Variants in TLK2 observed in about 807,000 individuals in gnomAD.
TLK2 encodes the protein tousled like kinase 2.
In TLK2, 6 loss-of-function variants were observed where a neutral mutation model predicts 117.3. That is an observed-to-expected ratio of 0.05 (90% confidence interval 0.03 to 0.10). The LOEUF is 0.10. TLK2 is among the 10% of genes least tolerant of loss of function. The probability of loss-of-function intolerance (pLI) is 1.00; values close to 1 mark genes in which losing one functional copy is unlikely to be tolerated. For synonymous variants in TLK2, 257 were observed against 316.7 expected (o/e 0.81, Z 2.00); for missense variants, 299 against 901.2 (o/e 0.33, Z 8.56).
intron 11 of TLK2, among the ~76,000 whole-genome samples, chr17:62,568,451 AGTAAT>A (rs2079983535): frequency 6.6e-6 from 1 of 151,476 alleles, no homozygotes; most frequent in South Asian, 2.1e-4. Context: ...AAAAAAAAAA[AGTAAT>A]GGGATTTGAC....
chr17:62,512,861 A>AAATATTATTATT (rs1555610961), intron 2 of TLK2, among the ~76,000 whole-genome samples: 6 of 141,158 alleles, frequency 4.3e-5, no homozygotes, highest in Admixed American at 1.4e-4. Flanking sequence ...AAAATTTATT[A>AAATATTATTATT]ATTATTATTA....
chr17:62,511,899 C>T (rs2075171049), intron 2 of TLK2, among the ~76,000 whole-genome samples: 1 of 152,142 alleles, frequency 6.6e-6, no homozygotes, highest in African/African-American at 2.4e-5. Context: ...TTTACACCAA[C>T]ATGTTTTTCT....
At chr17:62,483,505 GT>G (rs938130937) in intron 2 of TLK2, among the ~76,000 whole-genome samples, 38 of 152,270 alleles carry the variant, frequency 2.5e-4, no homozygotes, top group African/African-American at 8.7e-4. Context: ...CCTATTTCCA[GT>G]TTTTTTGTTT....
At chr17:62,482,842 G>A (rs1224492435) in intron 2 of TLK2, among the ~76,000 whole-genome samples, 1 of 152,204 alleles carries the variant, frequency 6.6e-6, no homozygotes, top group Non-Finnish European at 1.5e-5. Flanking sequence ...CTTGAGCACA[G>A]TACCTCCACA....
chr17:62,489,071 A>G (rs1201907828), intron 2 of TLK2, among the ~76,000 whole-genome samples: 1 of 152,076 alleles, frequency 6.6e-6, no homozygotes, highest in Non-Finnish European at 1.5e-5. Context: ...TATTTTTTGT[A>G]GAAACAGTTT....
upstream of TLK2, among the ~76,000 whole-genome samples, chr17:62,476,018 C>T (rs2071035271): frequency 6.6e-6 from 1 of 151,770 alleles, no homozygotes; most frequent in Admixed American, 6.6e-5. Flanking sequence ...CACTCTGTCA[C>T]CCAGAATGGA....
intron 6 of TLK2, among the ~76,000 whole-genome samples, chr17:62,525,074 T>C (rs143881370): frequency 1.2e-3 from 187 of 152,342 alleles, no homozygotes; most frequent in African/African-American, 4.3e-3. Context: ...TCCAGTGTCT[T>C]CGCATTATTT....
intron 15 of TLK2, among the ~76,000 whole-genome samples, chr17:62,584,107 G>GTTTTTTTTT (rs572000997): frequency 3.8e-5 from 3 of 78,520 alleles, no homozygotes; most frequent in Admixed American, 1.8e-4. Context: ...TTCTTTTGTG[G>GTTTTTTTTT]TTTTTTTTTT....
At chr17:62,493,193 CT>C (rs1305784773) in intron 2 of TLK2, among the ~76,000 whole-genome samples, 1 of 152,204 alleles carries the variant, frequency 6.6e-6, no homozygotes, top group Non-Finnish European at 1.5e-5. Flanking sequence ...TTTGACTACT[CT>C]AGGTACTAAT....
chr17:62,533,707 C>A (rs1833233678), intron 6 of TLK2, among the ~76,000 whole-genome samples: 2 of 152,016 alleles, frequency 1.3e-5, no homozygotes, highest in Admixed American at 6.6e-5. Context: ...AAACTCCTGA[C>A]CTCAAGTGAT....
At chr17:62,546,658 C>T (rs1343461745) in intron 7 of TLK2, among the ~76,000 whole-genome samples, 7 of 150,242 alleles carry the variant, frequency 4.7e-5, no homozygotes, top group Non-Finnish European at 5.9e-5. Flanking sequence ...CAGGTTCAAG[C>T]GATTCTTCTG....
intron 1 of TLK2, among the ~76,000 whole-genome samples, chr17:62,471,873 ATTAGG>A (rs965112766): frequency 2.5e-5 from 3 of 121,260 alleles, no homozygotes; most frequent in Non-Finnish European, 5.0e-5. Flanking sequence ...GGCATGGAAG[ATTAGG>A]TAGTATAGTC....
At chr17:62,493,282 G>T (rs1181164250) in intron 2 of TLK2, among the ~76,000 whole-genome samples, 1 of 152,146 alleles carries the variant, frequency 6.6e-6, no homozygotes, top group Non-Finnish European at 1.5e-5. Context: ...GTTTATCTGT[G>T]TTGTAGTATA....
chr17:62,535,811 A>G (rs1280827441), intron 6 of TLK2, among the ~76,000 whole-genome samples: 1 of 151,994 alleles, frequency 6.6e-6, no homozygotes, highest in Non-Finnish European at 1.5e-5. Context: ...AAAAAAAGTC[A>G]TGGGACAATG....
intron 17 of TLK2, among the ~76,000 whole-genome samples, chr17:62,599,436 A>G (rs997543338): frequency 1.3e-5 from 2 of 151,980 alleles, no homozygotes; most frequent in African/African-American, 2.4e-5. Context: ...GCTGCTCTGT[A>G]TCTTTGGGGG....
chr17:62,578,189 AT>A (rs2080954461), intron 13 of TLK2, among the ~76,000 whole-genome samples: 1 of 152,236 alleles, frequency 6.6e-6, no homozygotes, highest in Non-Finnish European at 1.5e-5. Context: ...CTGAAAACTT[AT>A]GTAAGAAACT....
At chr17:62,524,761 T>C (rs373452085) in intron 6 of TLK2, among the ~76,000 whole-genome samples, 1 of 152,222 alleles carries the variant, frequency 6.6e-6, no homozygotes, top group Admixed American at 6.5e-5. Flanking sequence ...TAGGTATGTT[T>C]CCAGCCTGTA....
In TLK2 at chr17:62,517,540, G is replaced by A. The variant is rs1484889613; in HGVS notation, c.82-3233G>A. Among the ~76,000 whole-genome samples the A allele has an allele frequency of 1.7e-4, 26 of 151,664 alleles. 1 individual carries two copies. The South Asian group carries it at 3.5e-3, about 21-fold the overall frequency. On this transcript the variant is annotated intron_variant, in intron 2 of 21. Coordinates refer to ENST00000346027, the MANE Select transcript of TLK2 (RefSeq NM_006852.6). The stretch of plus-strand genomic sequence containing the variant: ...CTCCCAAGTAGCTGGGACTACAGGC[G>A]CCCGCCACTGCACCCAGCTAATTTT...
chr17:62,607,067 G>A (rs187054841), intron 20 of TLK2, among the ~76,000 whole-genome samples: 15 of 145,844 alleles, frequency 1.0e-4, no homozygotes, highest in African/African-American at 3.6e-4. Flanking sequence ...ACTATTCAGA[G>A]GTAGTAGGCT....
Sources: allele counts gnomAD v4.1 joint callset (sites outside exome capture counted in the v4.1 genomes callset), GRCh38; gene constraint gnomAD v4.1.1; transcripts MANE v1.5; gene names NCBI Gene and HGNC (gene_info 2026-07-23, HGNC 2026-07-21).